Variants in CADM2 observed in about 807,000 individuals in gnomAD.
The protein encoded by CADM2 is immunoglobulin superfamily member 4D.
CADM2 carries 12 observed loss-of-function variants against 49.8 expected under a neutral mutation model. The observed-to-expected ratio is 0.24, with a 90% CI of 0.15 to 0.39. The LOEUF is 0.39. CADM2 is among the 10% of genes least tolerant of loss of function. The pLI, the probability that CADM2 is intolerant of heterozygous loss-of-function variation, is 1.00. For missense variants in CADM2, 378 were observed against 492.3 expected (o/e 0.77, Z 2.20); for synonymous variants, 214 against 175.4 (o/e 1.22, Z -1.74).
At chr3:85,777,520 G>C (rs1030152508) in intron 2 of CADM2, among the ~76,000 whole-genome samples, 1 of 152,066 alleles carries the variant, frequency 6.6e-6, no homozygotes, top group Non-Finnish European at 1.5e-5. Flanking sequence ...CTCCCAAAGT[G>C]CTGGGATTAA....
intron 3 of CADM2, among the ~76,000 whole-genome samples, chr3:85,860,517 G>A (rs903902497): frequency 6.6e-6 from 1 of 152,090 alleles, no homozygotes; most frequent in Admixed American, 6.6e-5. Flanking sequence ...TATAAACAAC[G>A]GAAGTTTATT....
intron 2 of CADM2, among the ~76,000 whole-genome samples, chr3:85,763,763 A>G (rs917010906): frequency 2.0e-5 from 3 of 152,132 alleles, no homozygotes; most frequent in African/African-American, 4.8e-5. Flanking sequence ...CCATAGCTGC[A>G]TAATCTAGTC....
chr3:85,468,181 A>AAC (rs2038602100), intron 1 of CADM2, among the ~76,000 whole-genome samples: 4 of 137,130 alleles, frequency 2.9e-5, no homozygotes, highest in African/African-American at 1.0e-4. Flanking sequence ...AAAAAAAAAA[A>AAC]CATTGAGGCA....
intron 3 of CADM2, among the ~76,000 whole-genome samples, chr3:85,825,158 T>C (rs2073834362): frequency 1.3e-5 from 2 of 152,086 alleles, no homozygotes; most frequent in Non-Finnish European, 2.9e-5. Context: ...GAGAACAGCA[T>C]AAAACTGATA....
intron 1 of CADM2, among the ~76,000 whole-genome samples, chr3:85,112,735 AGTCT>A (rs1259873466): frequency 1.3e-5 from 2 of 151,864 alleles, no homozygotes; most frequent in African/African-American, 2.4e-5. Context: ...TTCCTTATAA[AGTCT>A]GTCTATGTCA....
intron 1 of CADM2, among the ~76,000 whole-genome samples, chr3:85,141,363 C>G (rs1183218354): frequency 2.6e-5 from 4 of 152,142 alleles, no homozygotes; most frequent in African/African-American, 9.7e-5. Flanking sequence ...GGATTAAATA[C>G]TTAACACATG....
chr3:85,171,643 T>C (rs1475714191), intron 1 of CADM2, among the ~76,000 whole-genome samples: 2 of 152,172 alleles, frequency 1.3e-5, no homozygotes, highest in African/African-American at 4.8e-5. Flanking sequence ...TATATTTTGT[T>C]CTTATTTGTT....
intron 3 of CADM2, among the ~76,000 whole-genome samples, chr3:85,812,394 A>G (rs2108133117): frequency 6.6e-6 from 1 of 152,242 alleles, no homozygotes; most frequent in East Asian, 1.9e-4. Context: ...TCAAATATAA[A>G]GAGTAACAAT....
At chr3:85,767,467 G>T (rs1328546453) in intron 2 of CADM2, among the ~76,000 whole-genome samples, 1 of 152,082 alleles carries the variant, frequency 6.6e-6, no homozygotes, top group Non-Finnish European at 1.5e-5. Flanking sequence ...TTGATAAGAA[G>T]AAATTAAATT....
chr3:85,881,528 C>T (rs887792726), intron 3 of CADM2, among the ~76,000 whole-genome samples: 1 of 152,058 alleles, frequency 6.6e-6, no homozygotes, highest in Non-Finnish European at 1.5e-5. Flanking sequence ...GAAGCAGTTG[C>T]CCTGTTAAGG....
intron 2 of CADM2, among the ~76,000 whole-genome samples, chr3:85,743,543 A>T (rs779774442): frequency 5.9e-5 from 9 of 152,188 alleles, no homozygotes; most frequent in Non-Finnish European, 1.2e-4. Flanking sequence ...GACTCACAGA[A>T]GCTGTCCATC....
chr3:85,903,307 C>CT (rs369722596), intron 5 of CADM2, among the ~76,000 whole-genome samples: 39 of 147,784 alleles, frequency 2.6e-4, no homozygotes, highest in South Asian at 6.5e-4. Flanking sequence ...TTTACTGGTG[C>CT]TTTTTTTTTT....
At chr3:85,098,577 A>T (rs977250744) in intron 1 of CADM2, among the ~76,000 whole-genome samples, 2 of 152,166 alleles carry the variant, frequency 1.3e-5, no homozygotes, top group African/African-American at 4.8e-5. Context: ...TTCTAGAAGG[A>T]GGACATCTAG....
intron 1 of CADM2, among the ~76,000 whole-genome samples, chr3:85,391,186 G>T (rs2034500283): frequency 6.6e-6 from 1 of 151,760 alleles, no homozygotes; most frequent in Admixed American, 6.6e-5. Context: ...GGATACATTG[G>T]GTCTATTGTA....
At chr3:85,463,727 T>G (rs2038360488) in intron 1 of CADM2, among the ~76,000 whole-genome samples, 1 of 152,158 alleles carries the variant, frequency 6.6e-6, no homozygotes, top group African/African-American at 2.4e-5. Context: ...GAAAATAATT[T>G]TACTGGTTAT....
At chr3:85,841,658 A>C (rs2074643717) in intron 3 of CADM2, among the ~76,000 whole-genome samples, 1 of 152,042 alleles carries the variant, frequency 6.6e-6, no homozygotes, top group Non-Finnish European at 1.5e-5. Context: ...TAGTGGACAC[A>C]ATATCTGTAG....
At chr3:85,487,035 G>A (rs548502846) in intron 1 of CADM2, among the ~76,000 whole-genome samples, 1 of 152,112 alleles carries the variant, frequency 6.6e-6, no homozygotes, top group Admixed American at 6.5e-5. Flanking sequence ...AGAGTTAAGA[G>A]CTAAAACTGT....
chr3:85,522,343 T>G (rs1301726561), intron 1 of CADM2, among the ~76,000 whole-genome samples: 1 of 152,184 alleles, frequency 6.6e-6, no homozygotes, highest in Non-Finnish European at 1.5e-5. Flanking sequence ...ACCTTTTTTC[T>G]GTTATATTTG....
At chr3:85,061,006 A>G (rs192426470) in intron 1 of CADM2, among the ~76,000 whole-genome samples, 383 of 152,300 alleles carry the variant, frequency 2.5e-3, no homozygotes, top group African/African-American at 7.9e-3. Flanking sequence ...AACCAGAAAC[A>G]GATGCTGAAG....
Sources: gnomAD v4.1 joint callset for allele counts (sites outside exome capture counted in the v4.1 genomes callset) on GRCh38, gnomAD v4.1.1 for gene constraint, MANE v1.5 for transcripts, NCBI Gene and HGNC (gene_info 2026-07-23, HGNC 2026-07-21) for gene names.